The following PACC1 variants were observed in gnomAD, a reference collection of about 807,000 sequenced individuals.
PACC1 encodes proton-activated chloride channel.
In PACC1, 34 loss-of-function variants were observed where a neutral mutation model predicts 39.7. The ratio of observed to expected loss-of-function variants is 0.86; its 90% CI spans 0.65 to 1.14. PACC1 has a LOEUF of 1.14. Ranked by LOEUF, PACC1 falls within the 50% of genes most tolerant of loss-of-function variation. The pLI, the probability that PACC1 is intolerant of heterozygous loss-of-function variation, is 0.00. For missense variants in PACC1, 379 were observed against 436.4 expected (o/e 0.87, Z 1.17); for synonymous variants, 127 against 160.6 (o/e 0.79, Z 1.58).
chr1:212,409,951 G>A (rs1038993214), intron 2 of PACC1, among the ~76,000 whole-genome samples: 1 of 152,208 alleles, frequency 6.6e-6, no homozygotes, highest in African/African-American at 2.4e-5. Flanking sequence ...AGGGAGCAGC[G>A]TGTATCCGGG....
intron 7 of PACC1, among the ~76,000 whole-genome samples, chr1:212,374,406 G>A (rs777554126): frequency 1.3e-5 from 2 of 152,168 alleles, no homozygotes; most frequent in Non-Finnish European, 2.9e-5. Context: ...GGTTACCAGA[G>A]GCTGGGAAGG....
chr1:212,377,769 C>A, intron 5 of PACC1, 63 bp from the exon 6 acceptor site: 1 of 1,578,982 alleles, frequency 6.3e-7, no homozygotes, highest in Non-Finnish European at 8.6e-7. Context: ...GGAGTCGAAG[C>A]CCCCACTGCA....
intron 6 of PACC1, among the ~76,000 whole-genome samples, chr1:212,376,434 G>C (rs191029489): frequency 1.3e-5 from 2 of 152,298 alleles, no homozygotes; most frequent in East Asian, 3.9e-4. Context: ...GTTCACTAGA[G>C]TTTTCACCCT....
intron 5 of PACC1, among the ~76,000 whole-genome samples, chr1:212,379,286 G>T (rs180977880): frequency 6.6e-6 from 1 of 152,052 alleles, no homozygotes; most frequent in East Asian, 1.9e-4. Context: ...TTACTTTATC[G>T]TAAGAATACA....
intron 7 of PACC1, among the ~76,000 whole-genome samples, chr1:212,368,761 G>A (rs920317468): frequency 1.3e-4 from 20 of 152,118 alleles, no homozygotes; most frequent in African/African-American, 4.1e-4. Flanking sequence ...GGCCGGGTGC[G>A]GTGGCTCATG....
At chr1:212,379,690 C>T (rs1660803615) in intron 5 of PACC1, among the ~76,000 whole-genome samples, 1 of 152,192 alleles carries the variant, frequency 6.6e-6, no homozygotes. Flanking sequence ...CCAGCATGCT[C>T]CTCCACACCA....
At chr1:212,371,030 A>G (rs1660431902) in intron 7 of PACC1, among the ~76,000 whole-genome samples, 2 of 152,056 alleles carry the variant, frequency 1.3e-5, no homozygotes, top group African/African-American at 4.8e-5. Flanking sequence ...GGCAGATCAC[A>G]AGGTCAAGAG....
intron 2 of PACC1, among the ~76,000 whole-genome samples, chr1:212,403,338 C>A (rs1325366154): frequency 1.3e-5 from 2 of 152,202 alleles, no homozygotes; most frequent in Non-Finnish European, 2.9e-5. Flanking sequence ...CTCCATTCAA[C>A]TCCTTTTCCA....
intron 5 of PACC1, among the ~76,000 whole-genome samples, chr1:212,378,587 T>C (rs1660754928): frequency 6.6e-6 from 1 of 152,096 alleles, no homozygotes; most frequent in Non-Finnish European, 1.5e-5. Flanking sequence ...CCCTCTCAAC[T>C]CAGGCACATG....
intron 2 of PACC1, among the ~76,000 whole-genome samples, chr1:212,393,614 C>T (rs971138287): frequency 2.0e-5 from 3 of 152,036 alleles, no homozygotes; most frequent in African/African-American, 4.8e-5. Context: ...GACTGAGACA[C>T]AAAAAACGCT....
intron 1 of PACC1, among the ~76,000 whole-genome samples, chr1:212,411,766 T>C (rs1200480087): frequency 6.6e-6 from 1 of 152,128 alleles, no homozygotes; most frequent in East Asian, 1.9e-4. Flanking sequence ...TATTCTTCTA[T>C]CTCCCTCTCC....
intron 1 of PACC1, chr1:212,414,013 A>G (rs1395693583): frequency 2.0e-6 from 3 of 1,535,856 alleles, no homozygotes; most frequent in Non-Finnish European, 2.6e-6. Context: ...GGAGGAGAGC[A>G]GTTTCACTAA....
At chr1:212,404,319 G>C (rs901762192) in intron 2 of PACC1, among the ~76,000 whole-genome samples, 4 of 151,064 alleles carry the variant, frequency 2.6e-5, no homozygotes, top group African/African-American at 9.8e-5. Flanking sequence ...TGTTAGCCAG[G>C]ATGGTGTCGA....
At chr1:212,411,081 C>A (rs1662111200) in intron 1 of PACC1, among the ~76,000 whole-genome samples, 1 of 152,216 alleles carries the variant, frequency 6.6e-6, no homozygotes, top group South Asian at 2.1e-4. Flanking sequence ...GCAATGACCC[C>A]ATTTCCAAAC....
intron 2 of PACC1, among the ~76,000 whole-genome samples, chr1:212,408,417 G>C (rs1662002776): frequency 6.6e-6 from 1 of 151,602 alleles, no homozygotes; most frequent in Admixed American, 6.6e-5. Context: ...CTAGAGTGCA[G>C]TGGCATGATC....
chr1:212,367,554 T>C (rs1660290690), intron 7 of PACC1, among the ~76,000 whole-genome samples: 1 of 152,182 alleles, frequency 6.6e-6, no homozygotes, highest in Non-Finnish European at 1.5e-5. Flanking sequence ...TAAAGTGGCC[T>C]TAGGCCCCAA....
At chr1:212,398,942 G>A (rs982414188) in intron 2 of PACC1, among the ~76,000 whole-genome samples, 1 of 152,184 alleles carries the variant, frequency 6.6e-6, no homozygotes, top group Non-Finnish European at 1.5e-5. Context: ...TGACCCCTGA[G>A]CAGTCAGCTG....
At chr1:212,382,561 T>C (rs1263470808) in intron 4 of PACC1, among the ~76,000 whole-genome samples, 1 of 152,170 alleles carries the variant, frequency 6.6e-6, no homozygotes. Context: ...CCGAAGATTT[T>C]ACAAATACAA....
At position 212,414,872 on chromosome 1, in the gene PACC1, A is replaced by AG; in HGVS notation, c.-116dup. 7.2e-7 allele frequency: 1 copy of AG among 1,394,598 alleles called. No homozygotes were observed. Among genetic ancestry groups the AG allele is most frequent in the South Asian group, 1.3e-5 (1 of 79,880 alleles). The allele number at this position is 1,394,598 out of a possible 1,614,324, so 86.4% of individuals were successfully genotyped here. ...GCTCCGCGAGGCGAAACCGGTCCGGAGGGGCGTCCCAGAGACCAGGCGTGG... is the reference window on the plus strand; with the variant it reads ...GCTCCGCGAGGCGAAACCGGTCCGGAGGGGGCGTCCCAGAGACCAGGCGTGG... On this transcript the variant is annotated 5_prime_UTR_variant, in exon 1 of 8. Coordinates refer to ENST00000261455, the MANE Select transcript of PACC1 (RefSeq NM_018252.3).
Sources: gnomAD v4.1 joint callset for allele counts (sites outside exome capture counted in the v4.1 genomes callset) on GRCh38, gnomAD v4.1.1 for gene constraint, MANE v1.5 for transcripts, NCBI Gene and HGNC (gene_info 2026-07-23, HGNC 2026-07-21) for gene names.